KLF12: variants seen among roughly 807,000 people sequenced by gnomAD.
KLF12 encodes Krueppel-like factor 12.
Under a neutral mutation model 37.8 loss-of-function variants are expected in KLF12, and 9 were observed. The observed-to-expected ratio is 0.24, with a 90% CI of 0.14 to 0.42. The LOEUF is 0.42. KLF12 is among the 10% of genes least tolerant of loss of function. KLF12 has a pLI of 1.00. For missense variants in KLF12, 411 were observed against 516.0 expected (o/e 0.80, Z 1.97); for synonymous variants, 208 against 202.1 (o/e 1.03, Z -0.25).
intron 1 of KLF12, among the ~76,000 whole-genome samples, chr13:74,076,405 T>G (rs1593879582): frequency 6.6e-6 from 1 of 152,134 alleles, no homozygotes; most frequent in African/African-American, 2.4e-5. Context: ...GTCAGACAGG[T>G]GAGGGGTGTT....
chr13:74,259,390 C>A, the KLF12 span: 2 of 152,208 alleles, frequency 1.3e-5, no homozygotes, highest in African/African-American at 4.8e-5. Flanking sequence ...CTCTTTCCTG[C>A]CTAGCTTCTC....
chr13:73,981,294 A>G (rs1891682829), intron 2 of KLF12, among the ~76,000 whole-genome samples: 1 of 151,800 alleles, frequency 6.6e-6, no homozygotes, highest in African/African-American at 2.4e-5. Context: ...AATCTTCTAT[A>G]TTTGTACCAG....
At chr13:73,987,836 G>A (rs1039468588) in intron 2 of KLF12, among the ~76,000 whole-genome samples, 3 of 146,464 alleles carry the variant, frequency 2.0e-5, no homozygotes, top group South Asian at 2.3e-4. Flanking sequence ...GGAGGAAAGA[G>A]GAAGTGGGGG....
the KLF12 span, among the ~76,000 whole-genome samples, chr13:74,245,752 C>T: frequency 6.6e-6 from 1 of 152,094 alleles, no homozygotes; most frequent in Non-Finnish European, 1.5e-5. Flanking sequence ...AGGATAGTCA[C>T]CTAATACAGT....
intron 3 of KLF12, among the ~76,000 whole-genome samples, chr13:73,929,789 T>C (rs1889582406): frequency 6.6e-6 from 1 of 152,200 alleles, no homozygotes; most frequent in African/African-American, 2.4e-5. Context: ...AGCTGTTCTG[T>C]GTGCAGGCAG....
intron 2 of KLF12, among the ~76,000 whole-genome samples, chr13:73,987,696 T>G (rs1593809056): frequency 8.5e-5 from 6 of 70,490 alleles, no homozygotes; most frequent in African/African-American, 1.8e-4. Context: ...AGAGAAGAAG[T>G]GGGAGAGGAG....
chr13:74,149,722 T>C, the KLF12 span, among the ~76,000 whole-genome samples: 2 of 152,204 alleles, frequency 1.3e-5, no homozygotes, highest in African/African-American at 2.4e-5. Flanking sequence ...TCACTTGTAA[T>C]GGGCAAAGTC....
the KLF12 span, among the ~76,000 whole-genome samples, chr13:74,140,662 A>C: frequency 6.6e-6 from 1 of 151,982 alleles, no homozygotes; most frequent in Non-Finnish European, 1.5e-5. Context: ...TAGGAATATA[A>C]ATGGGACATT....
intron 3 of KLF12, among the ~76,000 whole-genome samples, chr13:73,853,533 T>A (rs1885444575): frequency 6.6e-6 from 1 of 152,052 alleles, no homozygotes; most frequent in Non-Finnish European, 1.5e-5. Flanking sequence ...GGTCAGGAGT[T>A]CAAGACCAGC....
intron 1 of KLF12, among the ~76,000 whole-genome samples, chr13:74,017,654 A>G (rs567125417): frequency 2.3e-4 from 35 of 151,472 alleles, no homozygotes; most frequent in Non-Finnish European, 4.7e-4. Flanking sequence ...AATATGAAGG[A>G]AAAGATTTTC....
the KLF12 span, among the ~76,000 whole-genome samples, chr13:74,297,544 G>T: frequency 1.3e-5 from 2 of 152,222 alleles, no homozygotes; most frequent in African/African-American, 4.8e-5. Flanking sequence ...GTGGGCAGCT[G>T]TATTTTGCCC....
At chr13:74,290,067 A>T in the KLF12 span, among the ~76,000 whole-genome samples, 3 of 152,152 alleles carry the variant, frequency 2.0e-5, no homozygotes, top group African/African-American at 7.2e-5. Context: ...ACTCCTGAGT[A>T]TTTGTACAAT....
At chr13:73,822,490 G>C (rs1883583968) in intron 4 of KLF12, among the ~76,000 whole-genome samples, 1 of 152,150 alleles carries the variant, frequency 6.6e-6, no homozygotes, top group Admixed American at 6.5e-5. Flanking sequence ...ACCACTTTGG[G>C]AGGCCCAGGC....
intron 5 of KLF12, among the ~76,000 whole-genome samples, chr13:73,775,893 G>A (rs957341769): frequency 2.6e-5 from 4 of 152,136 alleles, no homozygotes; most frequent in Non-Finnish European, 5.9e-5. Flanking sequence ...TTACAATTTA[G>A]CATTCTCTCA....
the KLF12 span, among the ~76,000 whole-genome samples, chr13:74,243,068 T>C: frequency 0.25 from 38,479 of 152,096 alleles, 7,156 homozygotes; most frequent in African/African-American, 0.52. Flanking sequence ...TTAAGCCCTG[T>C]AGGCATTAGA....
chr13:74,256,239 G>A, the KLF12 span, among the ~76,000 whole-genome samples: 5 of 151,338 alleles, frequency 3.3e-5, no homozygotes, highest in African/African-American at 1.2e-4. Flanking sequence ...GGCTAACACT[G>A]GAATCAGCAT....
intron 1 of KLF12, among the ~76,000 whole-genome samples, chr13:74,069,533 G>C (rs757318671): frequency 3.3e-5 from 5 of 152,162 alleles, no homozygotes; most frequent in Admixed American, 2.0e-4. Context: ...GGAGAGGTTG[G>C]AAAGGCTGGG....
At chr13:74,100,714 G>A (rs528787718) in intron 1 of KLF12, among the ~76,000 whole-genome samples, 1 of 152,138 alleles carries the variant, frequency 6.6e-6, no homozygotes, top group African/African-American at 2.4e-5. Context: ...ATGTATTTAT[G>A]GAGTGTGTAC....
the KLF12 span, among the ~76,000 whole-genome samples, chr13:74,284,109 G>A: frequency 3.3e-5 from 5 of 151,950 alleles, no homozygotes; most frequent in Admixed American, 1.3e-4. Context: ...CACCTGCCTC[G>A]GCCTCCTGAA....
Sources: gnomAD v4.1 joint callset for allele counts (sites outside exome capture counted in the v4.1 genomes callset) on GRCh38, gnomAD v4.1.1 for gene constraint, MANE v1.5 for transcripts, NCBI Gene and HGNC (gene_info 2026-07-23, HGNC 2026-07-21) for gene names.